The following SPTAN1 variants were observed in gnomAD, a reference collection of about 807,000 sequenced individuals.
SPTAN1 encodes spectrin alpha, non-erythrocytic 1, also known as spectrin alpha chain, non-erythrocytic 1.
SPTAN1 carries 61 observed loss-of-function variants against 331.3 expected under a neutral mutation model. That is an observed-to-expected ratio of 0.18 (90% CI 0.15 to 0.23). The LOEUF (loss-of-function observed/expected upper bound fraction) is 0.23, where lower values mean the gene tolerates loss of function less well. Among genes scored for constraint, SPTAN1 ranks in the 10% least tolerant of loss-of-function variants. SPTAN1 has a pLI of 1.00. For missense variants in SPTAN1, 2,043 were observed against 3,147.9 expected (o/e 0.65, Z 8.40); for synonymous variants, 1,153 against 1,173.9 (o/e 0.98, Z 0.36).
At chr9:128,571,273 G>C (rs1354250697) in intron 3 of SPTAN1, among the ~76,000 whole-genome samples, 1 of 137,856 alleles carries the variant, frequency 7.3e-6, no homozygotes, top group Non-Finnish European at 1.6e-5. Flanking sequence ...CTAGGCAACA[G>C]AGCAAGACTG....
intron 3 of SPTAN1, among the ~76,000 whole-genome samples, chr9:128,571,153 G>A (rs1003205690): frequency 2.0e-5 from 3 of 152,080 alleles, no homozygotes; most frequent in African/African-American, 7.2e-5. Flanking sequence ...AGTGGGGCGT[G>A]GTGGTGCACA....
intron 1 of SPTAN1, among the ~76,000 whole-genome samples, chr9:128,561,559 A>G (rs1482635241): frequency 6.8e-6 from 1 of 146,082 alleles, no homozygotes; most frequent in Non-Finnish European, 1.5e-5. Context: ...GCTAGTCGGG[A>G]GGCTGAGGCA....
At chr9:128,609,040 G>A (rs1564282447) in intron 35 of SPTAN1, 63 bp downstream of exon 35, 1 of 1,613,976 alleles carries the variant, frequency 6.2e-7, no homozygotes, top group South Asian at 1.1e-5. Flanking sequence ...CTCATACGAA[G>A]GCCCAGGCCT....
intron 1 of SPTAN1, among the ~76,000 whole-genome samples, chr9:128,560,496 C>T (rs965176266): frequency 1.3e-5 from 2 of 151,848 alleles, no homozygotes; most frequent in African/African-American, 2.4e-5. Context: ...TTCTCCAGCC[C>T]CAGCCTCCTG....
In SPTAN1 at chr9:128,591,642, G is replaced by A. The variant is rs765814431; in HGVS notation, c.3155+17G>A. 2.5e-6 allele frequency: 4 copies of A among 1,613,256 alleles called. No individual in the cohort carries two copies. The highest frequency in any genetic ancestry group is 2.5e-6 in the Non-Finnish European group (3 of 1,179,840). On this transcript the variant is annotated intron_variant, in intron 22 of 56. Transcript: ENST00000372739. The stretch of plus-strand genomic sequence containing the variant: ...TGACAATCAGTAAGGATGACACTGG[G>A]GGCCGCAAGGGCTAGGCGTCCCATA...
In SPTAN1 at chr9:128,569,027, C is replaced by T. The variant is rs886109587; in HGVS notation, c.363+130C>T. The T allele has an allele frequency of 2.3e-6, 3 of 1,299,472 alleles. No homozygotes were observed. In the Admixed American group the frequency reaches 5.8e-5, roughly 25 times the overall value. The allele number at this position is 1,299,472 out of a possible 1,614,324, so 80.5% of individuals were successfully genotyped here. A position where few individuals can be genotyped will look rare whatever the true frequency, so the allele number is the denominator to read the frequency against. On this transcript the variant is annotated intron_variant, in intron 3 of 56. Transcript: ENST00000372739. ...CTTTTAAAAGAATTTATGAAGTCTC[C>T]TTAAGAAGTTACCCGAATCCTGCCT...
Position 128,581,840 on chromosome 9 carries a change from A to C in SPTAN1, c.1520A>C (p.Lys507Thr), listed in dbSNP as rs375343189. The part of the protein sequence containing the change: ...DSLDSVEALL[K>T]KHEDFEKSLS... The stretch of plus-strand genomic sequence containing the variant: ...TTGGATAGTGTGGAAGCGCTTCTTA[A>C]GAAGCACGAAGACTTTGAGAAATCC... The change falls in exon 12 of 57, where the codon AAG becomes ACG. Residue 507 changes from lysine (K) to threonine (T), a missense_variant. Physicochemically the swap from Lys to Thr is moderately conservative, Grantham distance 78. This residue lies in a region of SPTAN1 where 1,038 missense variants were observed against 1,531.5 expected (regional missense o/e 0.68). Transcript: ENST00000372739. The C allele has an allele frequency of 6.8e-6, 11 of 1,614,030 alleles. No individual in the cohort carries two copies. The highest frequency in any genetic ancestry group is 9.3e-6 in the Non-Finnish European group (11 of 1,180,004).
chr9:128,559,686 A>G (rs972376399), intron 1 of SPTAN1, among the ~76,000 whole-genome samples: 2 of 152,152 alleles, frequency 1.3e-5, no homozygotes, highest in African/African-American at 4.8e-5. Context: ...ATATAAATAA[A>G]TAAGTCTAAC....
At chr9:128,611,236 A>G (rs144137515) in intron 37 of SPTAN1, among the ~76,000 whole-genome samples, 1 of 152,276 alleles carries the variant, frequency 6.6e-6, no homozygotes, top group Non-Finnish European at 1.5e-5. Context: ...TTGGGAGGCC[A>G]ATGTGGCTCG....
chr9:128,604,453 C>G (rs754757547), intron 29 of SPTAN1, 36 bp downstream of exon 29: 40 of 1,586,990 alleles, frequency 2.5e-5, no homozygotes, highest in Middle Eastern at 1.7e-4. Context: ...GAGGGAGAAA[C>G]AGGTGACTGC....
chr9:128,624,231 C>A, intron 45 of SPTAN1, 97 bp from the exon 46 acceptor site: 1 of 1,480,766 alleles, frequency 6.8e-7, no homozygotes, highest in South Asian at 1.2e-5. Context: ...GAGCAAGTGG[C>A]CCATTTTATA....
intron 41 of SPTAN1, among the ~76,000 whole-genome samples, chr9:128,616,160 C>T (rs1294180306): frequency 6.6e-6 from 1 of 151,454 alleles, no homozygotes; most frequent in Middle Eastern, 3.2e-3. Context: ...TTTTCTTATT[C>T]TCTATCTGTC....
intron 45 of SPTAN1, among the ~76,000 whole-genome samples, chr9:128,623,332 G>A (rs932335505): frequency 6.6e-6 from 1 of 151,762 alleles, no homozygotes; most frequent in African/African-American, 2.4e-5. Context: ...GCCTTGTGCT[G>A]AAATTACAGG....
At position 128,605,181 on chromosome 9, in the gene SPTAN1, G is replaced by A. The variant is rs760403309; in HGVS notation, c.3864+3G>A. 8.1e-6 allele frequency: 13 copies of A among 1,614,064 alleles called. No homozygotes were observed. The South Asian group carries it at 1.2e-4, about 15-fold the overall frequency. ...ACCTTGCGGCTCTCGGTGACAAGGT[G>A]AGAGGACCCAAAGTCATCTTCTGTC... On this transcript the variant is annotated splice_donor_region_variant and intron_variant, in intron 30 of 56. Coordinates refer to ENST00000372739, the MANE Select transcript of SPTAN1 (RefSeq NM_001130438.3).
chr9:128,609,084 A>G (rs750506396), intron 35 of SPTAN1, 38 bp from the exon 36 acceptor site: 6 of 1,614,172 alleles, frequency 3.7e-6, no homozygotes, highest in Admixed American at 3.3e-5. Context: ...CCACGGTAAG[A>G]TATGCTCATG....
chr9:128,590,548 AAAAAAG>A (rs1853338973), intron 21 of SPTAN1, among the ~76,000 whole-genome samples: 3 of 16,904 alleles, frequency 1.8e-4, no homozygotes, highest in Non-Finnish European at 7.1e-4. Flanking sequence ...TATTTATATT[AAAAAAG>A]AAAAAAAAAA....
intron 11 of SPTAN1, among the ~76,000 whole-genome samples, chr9:128,581,488 A>AC (rs398012350): frequency 3.5e-5 from 5 of 142,492 alleles, no homozygotes; most frequent in African/African-American, 1.2e-4. Flanking sequence ...AAAAAAAAAA[A>AC]CAAACAAAAA....
chr9:128,568,700 C>T lies in SPTAN1; in HGVS notation c.238-72C>T, dbSNP rs1054535164. 1.7e-5 allele frequency: 28 copies of T among 1,601,536 alleles called. No homozygotes were observed. The East Asian group carries it at 2.5e-4, about 14-fold the overall frequency. On this transcript the variant is annotated intron_variant, in intron 2 of 56. Coordinates refer to ENST00000372739, the MANE Select transcript of SPTAN1 (RefSeq NM_001130438.3). ...AGCAGGATTGAGGAGGGGAGGAACACGGGGAACAGCGGGGACAAAATGCTG... is the reference window on the plus strand; with the variant it reads ...AGCAGGATTGAGGAGGGGAGGAACATGGGGAACAGCGGGGACAAAATGCTG...
At position 128,627,591 on chromosome 9, in the gene SPTAN1, G is replaced by T; in HGVS notation, c.6689+93G>T. ...AGCCCCAAGGAGGTGGTGGTGCTTT[G>T]TGTAAAACCAGAGGCAGCCTGGGAA... On this transcript the variant is annotated intron_variant, in intron 50 of 56. Coordinates refer to ENST00000372739, the MANE Select transcript of SPTAN1 (RefSeq NM_001130438.3). The surrounding 1 kb of genome is among the most constrained non-coding windows in gnomAD (Gnocchi z 4.9). 1.6e-6 allele frequency: 2 copies of T among 1,250,434 alleles called. No individual in the cohort carries two copies. The highest frequency in any genetic ancestry group is 2.3e-6 in the Non-Finnish European group (2 of 874,194). 77.5% of individuals were successfully genotyped at this position (1,250,434 alleles called of 1,614,324 possible). A position where few individuals can be genotyped will look rare whatever the true frequency, so the allele number is the denominator to read the frequency against.
Sources: gnomAD v4.1 joint callset for allele counts (sites outside exome capture counted in the v4.1 genomes callset) on GRCh38, gnomAD v4.1.1 for gene constraint, gnomAD v4.1.1 regional missense constraint, Gnocchi (gnomAD v3.1) non-coding constraint, MANE v1.5 for transcripts, NCBI Gene and HGNC (gene_info 2026-07-23, HGNC 2026-07-21) for gene names.